SLC17A4: variants seen among roughly 807,000 people sequenced by gnomAD.
SLC17A4 encodes probable small intestine urate exporter.
SLC17A4 carries 33 observed loss-of-function variants against 52.5 expected under a neutral mutation model. The observed-to-expected ratio is 0.63, with a 90% CI of 0.48 to 0.84. The LOEUF is 0.84. Among genes scored for constraint, SLC17A4 ranks in the 40% least tolerant of loss-of-function variants. The pLI is 0.00. For missense variants in SLC17A4, 585 were observed against 597.1 expected (o/e 0.98, Z 0.21); for synonymous variants, 225 against 216.2 (o/e 1.04, Z -0.36).
At chr6:25,755,231 T>C (rs906829469) in intron 1 of SLC17A4, among the ~76,000 whole-genome samples, 5 of 152,196 alleles carry the variant, frequency 3.3e-5, no homozygotes, top group African/African-American at 1.2e-4. Context: ...AAGATTTTCA[T>C]CATGCCTAAA....
intron 1 of SLC17A4, among the ~76,000 whole-genome samples, chr6:25,761,034 T>A (rs554701653): frequency 1.3e-5 from 2 of 152,342 alleles, no homozygotes; most frequent in East Asian, 3.9e-4. Flanking sequence ...GAGCTTCATC[T>A]GCAGTAATTC....
chr6:25,773,123 C>A, intron 6 of SLC17A4, 152 bp from the exon 7 acceptor site: 1 of 687,200 alleles, frequency 1.5e-6, no homozygotes, highest in South Asian at 1.8e-5. Flanking sequence ...TGAGGAAGTA[C>A]CCTCCCCCAT....
chr6:25,768,452 G>T, intron 2 of SLC17A4: 5 of 906,964 alleles, frequency 5.5e-6, no homozygotes, highest in Non-Finnish European at 6.6e-6. Flanking sequence ...ATAGATTATA[G>T]TATTAAGATG....
intron 8 of SLC17A4, among the ~76,000 whole-genome samples, chr6:25,775,330 C>CA (rs1762814454): frequency 1.0e-4 from 3 of 29,154 alleles, no homozygotes; most frequent in African/African-American, 1.6e-4. Flanking sequence ...TAAACTCTGT[C>CA]TAAAAAAAAA....
At chr6:25,755,640 C>T (rs902983243) in intron 1 of SLC17A4, among the ~76,000 whole-genome samples, 21 of 152,118 alleles carry the variant, frequency 1.4e-4, no homozygotes, top group Non-Finnish European at 8.8e-5. Flanking sequence ...CCTCATTTAC[C>T]TGGTTTCAAA....
At chr6:25,755,988 T>A (rs1257857379) in intron 1 of SLC17A4, among the ~76,000 whole-genome samples, 1 of 152,164 alleles carries the variant, frequency 6.6e-6, no homozygotes, top group Non-Finnish European at 1.5e-5. Flanking sequence ...GTCCTGAATG[T>A]GGTCTTTTTC....
chr6:25,757,346 C>CCCTTTACATTTTATT (rs1412619277), intron 1 of SLC17A4, among the ~76,000 whole-genome samples: 1 of 152,088 alleles, frequency 6.6e-6, no homozygotes, highest in Non-Finnish European at 1.5e-5. Flanking sequence ...TACTGCTTAT[C>CCCTTTACATTTTATT]CCTTTACATT....
At chr6:25,760,046 G>C (rs1199615754) in intron 1 of SLC17A4, among the ~76,000 whole-genome samples, 1 of 152,156 alleles carries the variant, frequency 6.6e-6, no homozygotes, top group Non-Finnish European at 1.5e-5. Context: ...ACAAGTGGGA[G>C]GATGCAGCTT....
At chr6:25,756,852 G>A (rs879589052) in intron 1 of SLC17A4, among the ~76,000 whole-genome samples, 8 of 152,216 alleles carry the variant, frequency 5.3e-5, no homozygotes, top group Non-Finnish European at 8.8e-5. Flanking sequence ...CACTCGAAGA[G>A]TCTGTGTGGG....
intron 8 of SLC17A4, among the ~76,000 whole-genome samples, chr6:25,774,528 C>A (rs971953930): frequency 1.4e-4 from 22 of 152,170 alleles, no homozygotes; most frequent in African/African-American, 5.3e-4. Context: ...TAGAAAGCCC[C>A]AGGAGGCAGT....
chr6:25,760,309 G>A (rs1256296538), intron 1 of SLC17A4, among the ~76,000 whole-genome samples: 2 of 152,010 alleles, frequency 1.3e-5, no homozygotes, highest in African/African-American at 4.8e-5. Flanking sequence ...TGAAGAAGTT[G>A]AGCAAATGCT....
Position 25,776,934 on chromosome 6 carries a change from G to C in SLC17A4, c.1243G>C (p.Val415Leu). ...CAGCTTCTGTGAATCAGGAGCCCTT[G>C]TTAACTTCTTGGATATTGCTCCTCG... Reference protein sequence around the residue: ...ISSFCESGALVNFLDIAPRYT... With the variant: ...ISSFCESGALLNFLDIAPRYT... The change falls in exon 10 of 12, where the codon GTT (valine) becomes CTT (leucine). Residue 415 changes from valine (V) to leucine (L), a missense_variant. Coordinates refer to ENST00000377905, the MANE Select transcript of SLC17A4 (RefSeq NM_005495.3). 6.2e-7 allele frequency: 1 copy of C among 1,613,370 alleles called. No homozygotes were observed.
At position 25,776,814 on chromosome 6, in the gene SLC17A4, G is replaced by T. The variant is rs200314936; in HGVS notation, c.1123G>T (p.Val375Phe). 4.3e-6 allele frequency: 7 copies of T among 1,613,928 alleles called. No homozygotes were observed. The African/African-American group carries it at 6.7e-5, about 15-fold the overall frequency. Reference protein sequence around the residue: ...TIRKLFTAIGVLFPSVILVSL... With the variant: ...TIRKLFTAIGFLFPSVILVSL... ...CTGTGTTTGTCCTCCTACCCCAGGG[G>T]TTCTCTTCCCATCCGTGATCCTCGT... The change falls in exon 10 of 12, where the codon GTT becomes TTT. Residue 375 changes from valine (V) to phenylalanine (F), a missense_variant and splice_region_variant. Coordinates refer to ENST00000377905, the MANE Select transcript of SLC17A4 (RefSeq NM_005495.3).
chr6:25,762,186 G>A lies in SLC17A4; in HGVS notation c.91+133G>A, dbSNP rs903134722. The A allele has an allele frequency of 6.0e-5, 41 of 685,010 alleles. No homozygotes were observed. The Admixed American group carries it at 6.6e-4, about 11-fold the overall frequency. The allele number at this position is 685,010 out of a possible 1,614,324, so 42.4% of individuals were successfully genotyped here. On this transcript the variant is annotated intron_variant, in intron 2 of 11. Coordinates refer to ENST00000377905, the MANE Select transcript of SLC17A4 (RefSeq NM_005495.3). ...ATCATTTTCCTTGCTACCACCAATT[G>A]CCAATAATTCTATACGGTTATACAT...
intron 2 of SLC17A4, among the ~76,000 whole-genome samples, chr6:25,766,741 C>CA (rs1762055282): frequency 6.6e-6 from 1 of 152,186 alleles, no homozygotes; most frequent in Non-Finnish European, 1.5e-5. Context: ...GGATGCCCCA[C>CA]AAAACACCTG....
chr6:25,762,086 A>T, intron 2 of SLC17A4, 33 bp downstream of exon 2: 1 of 1,579,572 alleles, frequency 6.3e-7, no homozygotes, highest in Non-Finnish European at 8.7e-7. Context: ...GGTAGTAAAT[A>T]AAACTAGGAT....
At chr6:25,762,640 C>A (rs1202053168) in intron 2 of SLC17A4, among the ~76,000 whole-genome samples, 1 of 152,046 alleles carries the variant, frequency 6.6e-6, no homozygotes. Flanking sequence ...AAGGCAAAAC[C>A]CTAACCAAGA....
chr6:25,757,216 A>G (rs1761096319), intron 1 of SLC17A4, among the ~76,000 whole-genome samples: 1 of 152,160 alleles, frequency 6.6e-6, no homozygotes, highest in Non-Finnish European at 1.5e-5. Context: ...TACGTTACAT[A>G]ACATTTCCAC....
At chr6:25,777,768 C>T in intron 10 of SLC17A4, 158 bp from the exon 11 acceptor site, 1 of 611,250 alleles carries the variant, frequency 1.6e-6, no homozygotes, top group South Asian at 2.0e-5. Context: ...AAGGCTTACA[C>T]AATTCCAGTC....
Sources: gnomAD v4.1 joint callset for allele counts (sites outside exome capture counted in the v4.1 genomes callset) on GRCh38, gnomAD v4.1.1 for gene constraint, MANE v1.5 for transcripts, NCBI Gene and HGNC (gene_info 2026-07-23, HGNC 2026-07-21) for gene names.